The following DLG2 variants were observed in gnomAD, a reference collection of about 807,000 sequenced individuals.
DLG2 encodes the protein disks large homolog 2.
DLG2 carries 45 observed loss-of-function variants against 132.5 expected under a neutral mutation model. The ratio of observed to expected loss-of-function variants is 0.34; its 90% CI spans 0.27 to 0.44. The LOEUF (loss-of-function observed/expected upper bound fraction) is 0.44, where lower values mean the gene tolerates loss of function less well. DLG2 is among the 20% of genes least tolerant of loss of function. DLG2 has a pLI of 1.00. For synonymous variants in DLG2, 424 were observed against 419.6 expected (o/e 1.01, Z -0.13); for missense variants, 1,045 against 1,196.9 (o/e 0.87, Z 1.87).
intron 18 of DLG2, chr11:83,645,627 T>C (rs964525830): frequency 1.1e-4 from 17 of 152,272 alleles, no homozygotes; most frequent in Middle Eastern, 3.4e-3. Flanking sequence ...TGATTAATAA[T>C]TTAAGAAAAA....
chr11:85,549,387 A>T (rs952931217), intron 3 of DLG2, among the ~76,000 whole-genome samples: 12 of 152,118 alleles, frequency 7.9e-5, no homozygotes, highest in African/African-American at 2.9e-4. Flanking sequence ...TTCTGCATCA[A>T]TCTCACCAGG....
intron 7 of DLG2, among the ~76,000 whole-genome samples, chr11:84,309,601 C>T (rs1197266191): frequency 1.3e-5 from 2 of 152,092 alleles, no homozygotes; most frequent in African/African-American, 4.8e-5. Context: ...CATCTAGATT[C>T]CTTTAGAAAA....
intron 6 of DLG2, among the ~76,000 whole-genome samples, chr11:84,891,471 C>A (rs2089377798): frequency 6.6e-6 from 1 of 151,978 alleles, no homozygotes; most frequent in Non-Finnish European, 1.5e-5. Context: ...TACTGTCACA[C>A]ATAAGTACAC....
intron 6 of DLG2, among the ~76,000 whole-genome samples, chr11:84,600,569 T>C (rs916613487): frequency 1.3e-5 from 2 of 152,224 alleles, no homozygotes; most frequent in Non-Finnish European, 2.9e-5. Context: ...GACTAGAATC[T>C]ATCTGCCTTC....
At chr11:83,595,561 G>A (rs532100804) in intron 19 of DLG2, among the ~76,000 whole-genome samples, 137 of 152,134 alleles carry the variant, frequency 9.0e-4, no homozygotes, top group Non-Finnish European at 1.6e-3. Context: ...GAACAATTCA[G>A]GCTGATTTGC....
intron 8 of DLG2, among the ~76,000 whole-genome samples, chr11:84,193,374 A>C (rs2096453243): frequency 6.6e-6 from 1 of 152,214 alleles, no homozygotes; most frequent in African/African-American, 2.4e-5. Flanking sequence ...CAGAGAGAAG[A>C]TGCCTGGATG....
At chr11:84,566,079 C>T (rs1270068597) in intron 6 of DLG2, among the ~76,000 whole-genome samples, 2 of 151,884 alleles carry the variant, frequency 1.3e-5, no homozygotes, top group African/African-American at 4.8e-5. Context: ...CTGCCTCAGC[C>T]TCTGGAGTAG....
At chr11:84,207,949 C>A (rs2096695991) in intron 8 of DLG2, among the ~76,000 whole-genome samples, 2 of 152,042 alleles carry the variant, frequency 1.3e-5, no homozygotes, top group Admixed American at 6.6e-5. Context: ...TAGCTCATTT[C>A]TTTACATGGG....
In DLG2 at chr11:85,622,277, G is replaced by A. The variant is rs538769714; in HGVS notation, c.-93+4310C>T. ...TTTGGTTTCCCAGTGCATATATACC[G>A]TAGTATACAATATATTGTATATATG... On this transcript the variant is annotated intron_variant, in intron 2 of 27. Transcript: ENST00000376104. 5.0e-4 allele frequency among the ~76,000 whole-genome samples: 76 copies of A among 152,102 alleles called. 2 individuals are homozygous for A. The highest frequency in any genetic ancestry group is 1.6e-3 in the African/African-American group (68 of 41,464).
At chr11:84,326,583 T>C (rs904783474) in intron 7 of DLG2, among the ~76,000 whole-genome samples, 7 of 152,206 alleles carry the variant, frequency 4.6e-5, no homozygotes, top group Non-Finnish European at 8.8e-5. Flanking sequence ...AGTTGGAAAA[T>C]ATATTTGGCA....
chr11:84,991,536 A>G (rs1414875511), intron 6 of DLG2, among the ~76,000 whole-genome samples: 3 of 150,408 alleles, frequency 2.0e-5, no homozygotes, highest in Non-Finnish European at 3.0e-5. Flanking sequence ...AGAAAGAAAG[A>G]AAGGAAGAAA....
intron 8 of DLG2, among the ~76,000 whole-genome samples, chr11:84,177,777 G>A (rs2096010079): frequency 1.3e-5 from 2 of 152,070 alleles, no homozygotes; most frequent in Non-Finnish European, 2.9e-5. Context: ...TAGTAAATTA[G>A]TGTAAATTAA....
intron 6 of DLG2, among the ~76,000 whole-genome samples, chr11:85,065,625 C>G (rs999353343): frequency 5.2e-4 from 78 of 150,332 alleles, no homozygotes; most frequent in African/African-American, 1.8e-3. Context: ...TTTATTGGAC[C>G]ACAGTGGAAT....
At chr11:83,973,563 T>C (rs1422280921) in intron 12 of DLG2, among the ~76,000 whole-genome samples, 2 of 152,084 alleles carry the variant, frequency 1.3e-5, no homozygotes, top group Non-Finnish European at 2.9e-5. Flanking sequence ...TATACTCTAC[T>C]GGCTTGATAG....
chr11:84,691,319 T>C (rs543755783), intron 6 of DLG2, among the ~76,000 whole-genome samples: 1 of 151,866 alleles, frequency 6.6e-6, no homozygotes, highest in Non-Finnish European at 1.5e-5. Context: ...TTCTCTGTGT[T>C]GAGAAAACAT....
chr11:84,194,387 G>A (rs913879090), intron 8 of DLG2, among the ~76,000 whole-genome samples: 10 of 152,180 alleles, frequency 6.6e-5, no homozygotes, highest in Admixed American at 6.5e-4. Flanking sequence ...GGCCTCAGGA[G>A]TGAGGCTGCA....
intron 3 of DLG2, among the ~76,000 whole-genome samples, chr11:85,395,258 T>C (rs1248381720): frequency 6.6e-6 from 1 of 152,200 alleles, no homozygotes. Flanking sequence ...ACATTTAAGC[T>C]GGATCAAGAA....
chr11:83,710,028 G>A (rs140753814), intron 18 of DLG2, among the ~76,000 whole-genome samples: 2 of 152,290 alleles, frequency 1.3e-5, no homozygotes, highest in Non-Finnish European at 2.9e-5. Context: ...AGGGGAAAGT[G>A]TAACATGAAA....
chr11:85,144,422 G>A (rs1307621020), intron 5 of DLG2, among the ~76,000 whole-genome samples: 3 of 147,504 alleles, frequency 2.0e-5, no homozygotes, highest in East Asian at 2.0e-4. Flanking sequence ...TATAGTAAAC[G>A]TTATTATTGA....
Sources: allele counts gnomAD v4.1 joint callset (sites outside exome capture counted in the v4.1 genomes callset), GRCh38; gene constraint gnomAD v4.1.1; transcripts MANE v1.5; gene names NCBI Gene and HGNC (gene_info 2026-07-23, HGNC 2026-07-21).